RGS7: variants seen among roughly 807,000 people sequenced by gnomAD.
RGS7 encodes the protein regulator of G protein signaling 7.
A neutral mutation model predicts 81.1 loss-of-function variants in RGS7; 27 were observed. The observed-to-expected ratio is 0.33, with a 90% CI of 0.25 to 0.46. RGS7 has a LOEUF of 0.46. RGS7 is among the 20% of genes least tolerant of loss of function. The pLI is 1.00. For synonymous variants in RGS7, 208 were observed against 207.7 expected, an observed-to-expected ratio of 1.00 and a Z score of -0.01; for missense variants, 396 against 607.4, an observed-to-expected ratio of 0.65 and a Z score of 3.66.
rs1361130888 is a variant in RGS7 at position 241,308,962 on chromosome 1, C to A, written c.78+46737G>T. Among the ~76,000 whole-genome samples, 3 of 152,106 alleles carry A rather than the reference C, an allele frequency of 2.0e-5. No individual in the cohort carries two copies. In the South Asian group the frequency reaches 6.2e-4, roughly 32 times the overall value. On this transcript the variant is annotated intron_variant, in intron 2 of 18. Transcript: ENST00000440928. Reference sequence around the variant, plus strand: ...CTAAACCGAGGACAGCGATCAGCTACGTGAGAGTGGTATTCATGAGTGAAC... The same window carrying A: ...CTAAACCGAGGACAGCGATCAGCTAAGTGAGAGTGGTATTCATGAGTGAAC...
At chr1:241,263,601 G>A (rs1192099130) in intron 2 of RGS7, among the ~76,000 whole-genome samples, 1 of 152,104 alleles carries the variant, frequency 6.6e-6, no homozygotes, top group Non-Finnish European at 1.5e-5. Context: ...AAAGTACTAA[G>A]GTTATAGCAG....
At chr1:241,303,940 T>C (rs1280258121) in intron 2 of RGS7, among the ~76,000 whole-genome samples, 1 of 152,212 alleles carries the variant, frequency 6.6e-6, no homozygotes, top group Non-Finnish European at 1.5e-5. Context: ...GGAACTGTCA[T>C]GCTGGTTGTG....
intron 2 of RGS7, among the ~76,000 whole-genome samples, chr1:241,309,964 T>C (rs985186926): frequency 6.6e-6 from 1 of 152,196 alleles, no homozygotes. Flanking sequence ...ACTGGCAGAG[T>C]ATCCTGAATA....
intron 3 of RGS7, among the ~76,000 whole-genome samples, chr1:241,007,508 C>T (rs1205220381): frequency 6.6e-6 from 1 of 151,980 alleles, no homozygotes; most frequent in Non-Finnish European, 1.5e-5. Flanking sequence ...GAGTTGGTGC[C>T]CCTAAACTCT....
chr1:241,065,612 G>C (rs959599094), intron 3 of RGS7, among the ~76,000 whole-genome samples: 1 of 152,126 alleles, frequency 6.6e-6, no homozygotes, highest in African/African-American at 2.4e-5. Context: ...AGAAAATTTA[G>C]ATGTGAAATT....
At chr1:240,922,557 A>G (rs1007109041) in intron 6 of RGS7, among the ~76,000 whole-genome samples, 1 of 152,140 alleles carries the variant, frequency 6.6e-6, no homozygotes, top group Non-Finnish European at 1.5e-5. Flanking sequence ...TCGGCAAAAT[A>G]TAATATCTGA....
At chr1:241,180,384 C>CAA (rs577581245) in intron 2 of RGS7, among the ~76,000 whole-genome samples, 1 of 151,298 alleles carries the variant, frequency 6.6e-6, no homozygotes, top group Non-Finnish European at 1.5e-5. Context: ...CAAAAAAAAC[C>CAA]AAAAAAACAA....
chr1:241,199,510 T>G (rs2073338701), intron 2 of RGS7, among the ~76,000 whole-genome samples: 1 of 152,144 alleles, frequency 6.6e-6, no homozygotes, highest in East Asian at 1.9e-4. Flanking sequence ...ATTAAAAATT[T>G]TTCCTCTAAA....
chr1:241,240,694 A>C (rs1021865918), intron 2 of RGS7, among the ~76,000 whole-genome samples: 5 of 152,364 alleles, frequency 3.3e-5, no homozygotes, highest in Admixed American at 3.3e-4. Context: ...TCATAACATT[A>C]AACAGTGAAA....
intron 2 of RGS7, among the ~76,000 whole-genome samples, chr1:241,325,747 C>T (rs1558318736): frequency 6.6e-6 from 1 of 152,096 alleles, no homozygotes; most frequent in East Asian, 1.9e-4. Flanking sequence ...ATTCTGATCA[C>T]AAACTATTCT....
Position 241,015,471 on chromosome 1 carries a change from T to C in RGS7, c.176-32342A>G, listed in dbSNP as rs116462115. Among the ~76,000 whole-genome samples the C allele has an allele frequency of 7.2e-3, 1,097 of 152,328 alleles. 12 individuals are homozygous for C. The highest frequency in any genetic ancestry group is 0.025 in the African/African-American group (1,035 of 41,568). On this transcript the variant is annotated intron_variant, in intron 3 of 18. Transcript: ENST00000440928. ...TTGCGTAACTTAAACATCTAATATA[T>C]AAACCTTTAACCTATTGACCATTAT...
intron 4 of RGS7, among the ~76,000 whole-genome samples, chr1:240,948,751 T>A (rs1679068013): frequency 1.3e-5 from 2 of 151,672 alleles, no homozygotes; most frequent in African/African-American, 2.4e-5. Context: ...GCTATGTATG[T>A]CTATGTTTTT....
chr1:241,259,667 A>AAAAAAAAAAAATATATATATATAT, intron 2 of RGS7, among the ~76,000 whole-genome samples: 1 of 49,142 alleles, frequency 2.0e-5, no homozygotes, highest in African/African-American at 8.0e-5. Flanking sequence ...AAAAAAAAAA[A>AAAAAAAAAAAATATATATATATAT]ATATATATAT....
rs1181389593 is a variant in RGS7 at position 240,775,770 on chromosome 1, G to T, written c.*450C>A. On this transcript the variant is annotated 3_prime_UTR_variant, in exon 19 of 19. Transcript: ENST00000440928. ...TTGTTTAATAAATGTGAAGCCACAT[G>T]TATACTTATTGATATATACTTTTTT... 4 of 224,286 alleles carry T rather than the reference G, an allele frequency of 1.8e-5. No homozygotes were observed. The East Asian group carries it at 3.9e-4, about 22-fold the overall frequency. The allele number at this position is 224,286 out of a possible 1,614,324, so 13.9% of individuals were successfully genotyped here. A position where few individuals can be genotyped will look rare whatever the true frequency, so the allele number is the denominator to read the frequency against.
chr1:241,221,755 G>T (rs2075029470), intron 2 of RGS7, among the ~76,000 whole-genome samples: 1 of 152,198 alleles, frequency 6.6e-6, no homozygotes, highest in Admixed American at 6.6e-5. Context: ...AATTCTGTAG[G>T]AGATGGCCTT....
chr1:241,018,333 G>T (rs2059373103), intron 3 of RGS7, among the ~76,000 whole-genome samples: 1 of 151,692 alleles, frequency 6.6e-6, no homozygotes, highest in Non-Finnish European at 1.5e-5. Flanking sequence ...CGCATGCCTT[G>T]TAATTTTTTG....
At chr1:241,293,947 A>T (rs1241089536) in intron 2 of RGS7, among the ~76,000 whole-genome samples, 1 of 152,210 alleles carries the variant, frequency 6.6e-6, no homozygotes, top group Non-Finnish European at 1.5e-5. Flanking sequence ...CTGGATATAT[A>T]CCTAAAGGAT....
intron 2 of RGS7, among the ~76,000 whole-genome samples, chr1:241,272,371 C>A (rs10926449): frequency 8.6e-5 from 13 of 151,924 alleles, no homozygotes; most frequent in Non-Finnish European, 1.8e-4. Flanking sequence ...AAATTATTTC[C>A]TACAGCTTCC....
At chr1:240,962,152 C>T (rs1681559270) in intron 4 of RGS7, among the ~76,000 whole-genome samples, 1 of 152,146 alleles carries the variant, frequency 6.6e-6, no homozygotes, top group Non-Finnish European at 1.5e-5. Context: ...TCTACTGAAT[C>T]TGTTCTCTCA....
Sources: allele counts gnomAD v4.1 joint callset (sites outside exome capture counted in the v4.1 genomes callset), GRCh38; gene constraint gnomAD v4.1.1; transcripts MANE v1.5; gene names NCBI Gene and HGNC (gene_info 2026-07-23, HGNC 2026-07-21).